Variants in CCDC82 observed in about 807,000 individuals in gnomAD.
CCDC82 encodes coiled-coil domain containing 82, also known as coiled-coil domain-containing protein 82.
In CCDC82, 47 loss-of-function variants were observed where a neutral mutation model predicts 60.6. The ratio of observed to expected loss-of-function variants is 0.77; its 90% CI spans 0.61 to 0.99. The LOEUF (loss-of-function observed/expected upper bound fraction) is 0.99. CCDC82 is among the 50% of genes least tolerant of loss of function. The pLI is 0.00. For missense variants in CCDC82, 588 were observed against 633.0 expected, an observed-to-expected ratio of 0.93 and a Z score of 0.76; for synonymous variants, 212 against 207.4, an observed-to-expected ratio of 1.02 and a Z score of -0.19.
At chr11:96,372,653 A>T (rs1180852068) in intron 6 of CCDC82, among the ~76,000 whole-genome samples, 1 of 142,760 alleles carries the variant, frequency 7.0e-6, no homozygotes, top group South Asian at 2.2e-4. Flanking sequence ...TATATATATA[A>T]ATATAAATAT....
chr11:96,359,894 G>A (rs1864549897), intron 8 of CCDC82, among the ~76,000 whole-genome samples: 1 of 150,946 alleles, frequency 6.6e-6, no homozygotes, highest in African/African-American at 2.4e-5. Context: ...GGTGTTATAT[G>A]TGAATAAGAC....
intron 3 of CCDC82, chr11:96,385,577 T>C (rs1395197649): frequency 6.6e-6 from 1 of 152,128 alleles, no homozygotes; most frequent in Non-Finnish European, 1.5e-5. Flanking sequence ...CTTAGTAAAA[T>C]GGGAGTGGCT....
intron 5 of CCDC82, chr11:96,381,252 T>C (rs1042302679): frequency 1.3e-5 from 2 of 151,786 alleles, no homozygotes; most frequent in Non-Finnish European, 3.0e-5. Flanking sequence ...GGATATCTCC[T>C]AATTGAGTAT....
intron 5 of CCDC82, among the ~76,000 whole-genome samples, chr11:96,374,790 G>A (rs959539469): frequency 6.6e-6 from 1 of 151,842 alleles, no homozygotes. Context: ...AATTAATATT[G>A]TTGACATTTT....
At chr11:96,363,960 G>GT (rs1864809356) in intron 8 of CCDC82, 2 of 151,876 alleles carry the variant, frequency 1.3e-5, no homozygotes, top group Middle Eastern at 3.4e-3. Flanking sequence ...TCAGTTTATT[G>GT]TTTTTTTAAA....
rs199822469 is a variant in CCDC82, at chr11:96,371,074, C to T, written c.1148G>A (p.Arg383His). 1.0e-4 allele frequency: 162 copies of T among 1,606,666 alleles called. 1 individual carries two copies. In the East Asian group the frequency reaches 2.6e-3, roughly 26 times the overall value. The change falls in exon 7 of 10, where the codon CGC becomes CAC. Residue 383 changes from arginine to histidine, a missense_variant. Physicochemically the swap from Arg to His is conservative, Grantham distance 29 (BLOSUM62 0). Transcript: ENST00000646818. ...GCTCTCTAGACGAGGCTGAACAAAG[C>T]GGTTATCCAAATAATGAAGAGATGT... ...MLTSLHYLDN[R>H]FVQPRLESLV...
chr11:96,359,246 T>C (rs1415975225), intron 8 of CCDC82, 68 bp from the exon 9 acceptor site: 9 of 1,281,200 alleles, frequency 7.0e-6, no homozygotes, highest in Non-Finnish European at 9.4e-6. Flanking sequence ...TGGATTTTCT[T>C]TAGTAGTAGA....
At position 96,359,039 on chromosome 11, in the gene CCDC82, A is replaced by G; in HGVS notation, c.1520T>C (p.Val507Ala). 6.2e-7 allele frequency: 1 copy of G among 1,610,308 alleles called. No individual in the cohort carries two copies. The highest frequency in any genetic ancestry group is 8.5e-7 in the Non-Finnish European group (1 of 1,178,938). The change falls in exon 9 of 10, where the codon GTG (valine) becomes GCG (alanine). Residue 507 changes from valine to alanine, a missense_variant. Val to Ala is a moderately conservative substitution (Grantham distance 64). Coordinates refer to ENST00000646818, the MANE Select transcript of CCDC82 (RefSeq NM_024725.4). ...EVEDEQVKET[V>A]ERIFRRSKEN... ...TTTTGACCGCCTGAAAATTCTTTCC[A>G]CTGTTTCTTTAACTTGTTCATCTTC... is the stretch of plus-strand genomic sequence containing the variant.
chr11:96,384,778 T>C lies in CCDC82; in HGVS notation c.-14-17A>G, dbSNP rs780107902. 2.0e-6 allele frequency: 3 copies of C among 1,495,594 alleles called. No individual in the cohort carries two copies. Among genetic ancestry groups the C allele is most frequent in the Admixed American group, 2.1e-5 (1 of 47,070 alleles). The allele number at this position is 1,495,594 out of a possible 1,614,324, so 92.6% of individuals were successfully genotyped here. On this transcript the variant is annotated splice_polypyrimidine_tract_variant and intron_variant, in intron 3 of 9. Transcript: ENST00000646818. ...CTTAAGCTTCTATAAAATAAAGTTG[T>C]TAGGAATATAACAGTGATAACCAGA...
chr11:96,389,901 A>C lies in CCDC82; in HGVS notation c.-196T>G, dbSNP rs1370588778. The C allele has an allele frequency of 6.5e-6, 1 of 152,684 alleles. No homozygotes were observed. Among genetic ancestry groups the C allele is most frequent in the African/African-American group, 2.4e-5 (1 of 41,300 alleles). 9.5% of individuals were successfully genotyped at this position (152,684 alleles called of 1,614,324 possible). A position where few individuals can be genotyped will look rare whatever the true frequency, so the allele number is the denominator to read the frequency against. ...CCGCCCCTGCCCCGGCAACCAGCTCAGGACAAGCGATGCTCCTCCCCCCCT... is the reference window on the plus strand; with the variant it reads ...CCGCCCCTGCCCCGGCAACCAGCTCCGGACAAGCGATGCTCCTCCCCCCCT... On this transcript the variant is annotated 5_prime_UTR_variant, in exon 1 of 10. Coordinates refer to ENST00000646818, the MANE Select transcript of CCDC82 (RefSeq NM_024725.4).
At chr11:96,355,045 T>C (rs1864276061) in intron 9 of CCDC82, 1 of 152,132 alleles carries the variant, frequency 6.6e-6, no homozygotes, top group Admixed American at 6.6e-5. Flanking sequence ...GAAGGGGAAA[T>C]AGCCTAGGGA....
In CCDC82 at chr11:96,358,092, AG is replaced by A. The variant is rs1176476047; in HGVS notation, c.1566+900del. 3.0e-6 allele frequency: 3 copies of A among 985,316 alleles called. No homozygotes were observed. In the African/African-American group the frequency reaches 5.2e-5, roughly 17 times the overall value. 61.0% of individuals were successfully genotyped at this position (985,316 alleles called of 1,614,324 possible). On this transcript the variant is annotated intron_variant, in intron 9 of 9. Transcript: ENST00000646818. ...GTTTTGTTTTCTTTCCATCTGCCTA[AG>A]CTCTCTTGCCTTATTTTTTATATTC...
rs1487688233 is a variant in CCDC82, at chr11:96,359,023, C to T, written c.1536G>A (p.Arg512=). 2.5e-6 allele frequency: 4 copies of T among 1,608,854 alleles called. No homozygotes were observed. Among genetic ancestry groups the T allele is most frequent in the Admixed American group, 1.7e-5 (1 of 58,826 alleles). ...TAATCCAGCCATTTTCTTTTGACCG[C>T]CTGAAAATTCTTTCCACTGTTTCTT... ...QVKETVERIF[R]RSKENGWIKE... is the part of the protein sequence containing the mutation. The change falls in exon 9 of 10, where the codon AGG becomes AGA. Residue 512 remains arginine, a synonymous_variant. Coordinates refer to ENST00000646818, the MANE Select transcript of CCDC82 (RefSeq NM_024725.4).
At chr11:96,370,284 T>G (rs1435005229) in intron 7 of CCDC82, among the ~76,000 whole-genome samples, 1 of 152,064 alleles carries the variant, frequency 6.6e-6, no homozygotes, top group Non-Finnish European at 1.5e-5. Context: ...TCCTAATCAT[T>G]AGAATATAGA....
At chr11:96,373,326 T>C (rs767639113) in intron 6 of CCDC82, 49 bp downstream of exon 6, 11 of 1,215,752 alleles carry the variant, frequency 9.0e-6, no homozygotes, top group South Asian at 2.6e-5. Flanking sequence ...TGTTTTAAAA[T>C]TGGAAAAAGA....
chr11:96,358,308 T>TA, intron 9 of CCDC82: 1 of 1,177,564 alleles, frequency 8.5e-7, no homozygotes, highest in Non-Finnish European at 1.0e-6. Flanking sequence ...CCATATACCA[T>TA]AAACAATTCT....
In CCDC82 at chr11:96,375,995, T is replaced by C. The variant is rs1379231933; in HGVS notation, c.992-2528A>G. On this transcript the variant is annotated intron_variant, in intron 5 of 9. Coordinates refer to ENST00000646818, the MANE Select transcript of CCDC82 (RefSeq NM_024725.4). ...GCTTCTGTGGAATGTCCCAGGAATA[T>C]TGTTTTAAACAATATTTTAAACATT... is the stretch of plus-strand genomic sequence containing the variant. Among the ~76,000 whole-genome samples, 6 of 152,342 alleles carry C rather than the reference T, an allele frequency of 3.9e-5. No homozygotes were observed. In the South Asian group the frequency reaches 1.2e-3, roughly 32 times the overall value.
At chr11:96,385,624 AAAACTTAACT>A (rs2136217606) in intron 3 of CCDC82, 2 of 152,312 alleles carry the variant, frequency 1.3e-5, no homozygotes, top group South Asian at 4.1e-4. Flanking sequence ...TAACCAATAG[AAAACTTAACT>A]AACAATCCAA....
intron 7 of CCDC82, among the ~76,000 whole-genome samples, chr11:96,366,132 G>T (rs1864932828): frequency 6.6e-6 from 1 of 152,184 alleles, no homozygotes; most frequent in Non-Finnish European, 1.5e-5. Context: ...CCCCATGGAA[G>T]CACATGTTAA....
Sources: gnomAD v4.1 joint callset for allele counts (sites outside exome capture counted in the v4.1 genomes callset) on GRCh38, gnomAD v4.1.1 for gene constraint, MANE v1.5 for transcripts, NCBI Gene and HGNC (gene_info 2026-07-23, HGNC 2026-07-21) for gene names.